Variants in PRRC2C observed in about 807,000 individuals in gnomAD.
The protein encoded by PRRC2C is protein PRRC2C.
PRRC2C carries 72 observed loss-of-function variants against 317.2 expected under a neutral mutation model. The observed-to-expected ratio is 0.23, with a 90% CI of 0.19 to 0.28. PRRC2C has a LOEUF of 0.28. Among genes scored for constraint, PRRC2C ranks in the 10% least tolerant of loss-of-function variants. The pLI is 1.00. For missense variants in PRRC2C, 3,074 were observed against 3,459.7 expected, an observed-to-expected ratio of 0.89 and a Z score of 2.80; for synonymous variants, 1,296 against 1,205.9, an observed-to-expected ratio of 1.07 and a Z score of -1.55.
At chr1:171,550,366 A>G in intron 18 of PRRC2C, 126 bp downstream of exon 18, 1 of 783,878 alleles carries the variant, frequency 1.3e-6, no homozygotes, top group Non-Finnish European at 1.8e-6. Flanking sequence ...AAGTGACATC[A>G]TCTTCCCAAC....
chr1:171,517,739 T>G lies in PRRC2C; in HGVS notation c.675T>G (p.Cys225Trp). 6.2e-7 allele frequency: 1 copy of G among 1,613,822 alleles called. No homozygotes were observed. Among genetic ancestry groups the G allele is most frequent in the Non-Finnish European group, 8.5e-7 (1 of 1,179,874 alleles). Residue 225 changes from cysteine (C) to tryptophan (W), a missense_variant, in exon 6 of 35, where the codon TGT becomes TGG. Cys to Trp is a radical substitution (Grantham distance 215, BLOSUM62 -2). This residue lies in a region of PRRC2C where 237 missense variants were observed against 199.5 expected (regional missense o/e 1.19). Coordinates refer to ENST00000647382, the MANE Select transcript of PRRC2C (RefSeq NM_001387844.1). Reference sequence around the variant, plus strand: ...AAGTGGTGGAAAAGAGGATAGCTTGTGGTCCTCCACAGGCTAAACTGAATG... The same window carrying G: ...AAGTGGTGGAAAAGAGGATAGCTTGGGGTCCTCCACAGGCTAAACTGAATG... ...ILKVVEKRIA[C>W]GPPQAKLNGQ...
At chr1:171,563,915 T>C (rs1206735438) in intron 20 of PRRC2C, among the ~76,000 whole-genome samples, 1 of 152,106 alleles carries the variant, frequency 6.6e-6, no homozygotes, top group Non-Finnish European at 1.5e-5. Flanking sequence ...CTTGCAGGCA[T>C]TCTACAAGTT....
At position 171,579,853 on chromosome 1, in the gene PRRC2C, T is replaced by C; in HGVS notation, c.7298T>C (p.Ile2433Thr). 6.3e-7 allele frequency: 1 copy of C among 1,579,616 alleles called. No homozygotes were observed. Among genetic ancestry groups the C allele is most frequent in the South Asian group, 1.2e-5 (1 of 84,800 alleles). The change falls in exon 28 of 35, where the codon ATC (isoleucine) becomes ACC (threonine). Residue 2433 changes from isoleucine (I) to threonine (T), a missense_variant. Physicochemically the swap from Ile to Thr is moderately conservative, Grantham distance 89 (BLOSUM62 -1). Transcript: ENST00000647382. Reference sequence around the variant, plus strand: ...CCAACTTCAGTTCAGCAGATTCCAATCCCTATTTATGCACCACTGCAAGGG... The same window carrying C: ...CCAACTTCAGTTCAGCAGATTCCAACCCCTATTTATGCACCACTGCAAGGG... ...SQPTSVQQIP[I>T]PIYAPLQGQH...
rs1449468499 is a variant in PRRC2C at position 171,540,185 on chromosome 1, T to C, written c.2719T>C (p.Ser907Pro). The change falls in exon 16 of 35, where the codon TCC (serine) becomes CCC (proline). Residue 907 changes from serine (S) to proline (P), a missense_variant. Around this residue, in one of 11 missense-constraint regions of PRRC2C, gnomAD observed 1,320 missense variants for 1,395.7 expected, o/e 0.95. Transcript: ENST00000647382. ...CFEAPDQKTL[S>P]APQEERISAV... ...TGAAGCACCTGATCAAAAGACCTTA[T>C]CCGCTCCTCAAGAGGAGCGGATTTC... 41 of 1,613,760 alleles carry C rather than the reference T, an allele frequency of 2.5e-5. No homozygotes were observed. The highest frequency in any genetic ancestry group is 3.5e-5 in the Non-Finnish European group (41 of 1,179,850).
chr1:171,517,930 A>T (rs1468856972), intron 6 of PRRC2C, 116 bp downstream of exon 6: 2 of 791,346 alleles, frequency 2.5e-6, no homozygotes, highest in Non-Finnish European at 3.9e-6. Flanking sequence ...TCTAACTAAA[A>T]ATTAGCATTC....
intron 18 of PRRC2C, among the ~76,000 whole-genome samples, chr1:171,550,518 G>A (rs554906704): frequency 3.4e-5 from 5 of 149,068 alleles, no homozygotes; most frequent in Non-Finnish European, 5.9e-5. Flanking sequence ...TGCACAACAT[G>A]CAGGTTTGTT....
At chr1:171,545,368 C>T in intron 16 of PRRC2C, 111 bp from the exon 17 acceptor site, 2 of 872,298 alleles carry the variant, frequency 2.3e-6, no homozygotes, top group Non-Finnish European at 3.4e-6. Flanking sequence ...TAAGAGTTTT[C>T]TATCCCAACA....
chr1:171,501,381 T>G (rs1467464872), intron 1 of PRRC2C, among the ~76,000 whole-genome samples: 1 of 152,194 alleles, frequency 6.6e-6, no homozygotes, highest in Non-Finnish European at 1.5e-5. Context: ...TCTGCATGCT[T>G]TGGCCTCCCA....
chr1:171,547,149 A>G (rs1679268413), intron 17 of PRRC2C, among the ~76,000 whole-genome samples: 1 of 152,162 alleles, frequency 6.6e-6, no homozygotes, highest in Non-Finnish European at 1.5e-5. Flanking sequence ...TAAAAACTAT[A>G]TATATTTCTG....
rs1202873306 is a variant in PRRC2C at position 171,541,703 on chromosome 1, C to A, written c.4237C>A (p.Arg1413=). Residue 1413 remains arginine (R), a synonymous_variant, in exon 16 of 35, where the codon CGA becomes AGA. Transcript: ENST00000647382. This position sits in a 1 kb window ranked among gnomAD's most constrained non-coding sequence, Gnocchi z 4.1. ...AGATAAACGACCTCCAAAATTTGAG[C>A]GAAAATTTGACCCAGCTAGAGAAAG... ...AADKRPPKFE[R]KFDPARERPR... The A allele has an allele frequency of 1.2e-6, 2 of 1,613,772 alleles. No homozygotes were observed. The highest frequency in any genetic ancestry group is 1.7e-6 in the Non-Finnish European group (2 of 1,179,836).
At chr1:171,529,872 C>G (rs904593417) in intron 11 of PRRC2C, among the ~76,000 whole-genome samples, 3 of 152,192 alleles carry the variant, frequency 2.0e-5, no homozygotes, top group Non-Finnish European at 4.4e-5. Context: ...AGCAGATTTT[C>G]TTTTCCTGAA....
chr1:171,518,223 C>T (rs1360522132), intron 6 of PRRC2C, among the ~76,000 whole-genome samples: 6 of 152,176 alleles, frequency 3.9e-5, no homozygotes, highest in Admixed American at 2.0e-4. Flanking sequence ...GAAGCACGTA[C>T]GTTACCATAC....
Position 171,585,926 on chromosome 1 carries a change from A to G in PRRC2C, c.7750-1077A>G, listed in dbSNP as rs550337082. Among the ~76,000 whole-genome samples the G allele has an allele frequency of 3.3e-5, 5 of 152,254 alleles. No individual in the cohort carries two copies. In the South Asian group the frequency reaches 1.0e-3, roughly 32 times the overall value. On this transcript the variant is annotated intron_variant, in intron 30 of 34. Coordinates refer to ENST00000647382, the MANE Select transcript of PRRC2C (RefSeq NM_001387844.1). ...CTTGGGGCGAGGGGCCTGTCTAAAC[A>G]TGAAATTCCTTTGTTTCATACATAC...
chr1:171,548,318 A>C (rs1361513837), intron 17 of PRRC2C, among the ~76,000 whole-genome samples: 2 of 152,184 alleles, frequency 1.3e-5, no homozygotes, highest in African/African-American at 4.8e-5. Context: ...CATCTCTCAG[A>C]GTATGTTAAT....
At chr1:171,556,749 C>T (rs1194176864) in intron 18 of PRRC2C, among the ~76,000 whole-genome samples, 2 of 152,164 alleles carry the variant, frequency 1.3e-5, no homozygotes, top group Non-Finnish European at 2.9e-5. Flanking sequence ...TATATTAGTT[C>T]ATTTAAATAC....
rs148447842 is a variant in PRRC2C at position 171,545,994 on chromosome 1, T to C, written c.4972+307T>C. ...TCAGTAACCACTCTACTTTGCCAGA[T>C]TTGAGAAAGCACAGAAATTTGATTC... On this transcript the variant is annotated intron_variant, in intron 17 of 34. Transcript: ENST00000647382. 2.3e-3 allele frequency among the ~76,000 whole-genome samples: 338 copies of C among 144,028 alleles called. 1 individual carries two copies. The highest frequency in any genetic ancestry group is 8.4e-3 in the African/African-American group (327 of 38,710). 94.5% of individuals were successfully genotyped at this position (144,028 alleles called of 152,430 possible).
chr1:171,575,059 A>G lies in PRRC2C; in HGVS notation c.6886A>G (p.Asn2296Asp). Reference protein sequence around the residue: ...SASGPSTANYNSFSSASMPQI... With the variant: ...SASGPSTANYDSFSSASMPQI... ...CAGTGGACCAAGCACTGCTAATTAC[A>G]ATTCGTTCTCAAGTGCATCCATGCC... is the stretch of plus-strand genomic sequence containing the variant. Residue 2296 changes from asparagine (N) to aspartate (D), a missense_variant, in exon 25 of 35, where the codon AAT becomes GAT. Transcript: ENST00000647382. The G allele has an allele frequency of 6.2e-7, 1 of 1,613,838 alleles. No individual in the cohort carries two copies.
chr1:171,570,794 G>T (rs1377334957), intron 23 of PRRC2C, among the ~76,000 whole-genome samples: 1 of 152,180 alleles, frequency 6.6e-6, no homozygotes, highest in African/African-American at 2.4e-5. Flanking sequence ...TTGCAGGAAA[G>T]AGATTAATTT....
chr1:171,544,683 A>G (rs1008176666), intron 16 of PRRC2C, among the ~76,000 whole-genome samples: 12 of 152,214 alleles, frequency 7.9e-5, no homozygotes, highest in Non-Finnish European at 1.6e-4. Flanking sequence ...TTTGTGCCAC[A>G]TAGATAGATA....
Sources: gnomAD v4.1 joint callset for allele counts (sites outside exome capture counted in the v4.1 genomes callset) on GRCh38, gnomAD v4.1.1 for gene constraint, gnomAD v4.1.1 regional missense constraint, Gnocchi (gnomAD v3.1) non-coding constraint, MANE v1.5 for transcripts, NCBI Gene and HGNC (gene_info 2026-07-23, HGNC 2026-07-21) for gene names.